Variants in KCNH1 observed in about 807,000 individuals in gnomAD.
The protein encoded by KCNH1 is voltage-gated delayed rectifier potassium channel KCNH1.
KCNH1 carries 27 observed loss-of-function variants against 69.2 expected under a neutral mutation model. The ratio of observed to expected loss-of-function variants is 0.39; its 90% CI spans 0.29 to 0.54. The LOEUF (loss-of-function observed/expected upper bound fraction) is 0.54, where lower values mean the gene tolerates loss of function less well. Ranked by LOEUF, KCNH1 falls within the 20% of genes least tolerant of loss-of-function variation. The probability of loss-of-function intolerance (pLI) is 0.68; values close to 1 mark genes in which losing one functional copy is unlikely to be tolerated. For synonymous variants in KCNH1, 456 were observed against 487.7 expected, an observed-to-expected ratio of 0.93 and a Z score of 0.86; for missense variants, 798 against 1,261.6, an observed-to-expected ratio of 0.63 and a Z score of 5.57.
intron 10 of KCNH1, among the ~76,000 whole-genome samples, chr1:210,698,720 T>G (rs1681702903): frequency 6.6e-6 from 1 of 152,192 alleles, no homozygotes; most frequent in African/African-American, 2.4e-5. Context: ...TCCATGACCT[T>G]GCACAACAAC....
intron 6 of KCNH1, among the ~76,000 whole-genome samples, chr1:210,979,226 G>A (rs1304601326): frequency 6.6e-6 from 1 of 152,112 alleles, no homozygotes; most frequent in East Asian, 1.9e-4. Context: ...GTAGGAGGAG[G>A]GAAAATGAGA....
At chr1:210,706,972 C>T (rs1196940262) in intron 10 of KCNH1, among the ~76,000 whole-genome samples, 1 of 152,144 alleles carries the variant, frequency 6.6e-6, no homozygotes, top group Non-Finnish European at 1.5e-5. Context: ...AGGCTGGGTG[C>T]AGAAGAGAAG....
intron 6 of KCNH1, among the ~76,000 whole-genome samples, chr1:210,922,153 G>A (rs185826488): frequency 0.011 from 1,610 of 151,728 alleles, 13 homozygotes; most frequent in Non-Finnish European, 0.013. Context: ...AGGCCGAGGC[G>A]GGCAGATCAC....
At chr1:210,891,305 C>T (rs959607332) in intron 7 of KCNH1, among the ~76,000 whole-genome samples, 3 of 152,100 alleles carry the variant, frequency 2.0e-5, no homozygotes, top group African/African-American at 4.8e-5. Flanking sequence ...AAACCAAATA[C>T]CACATGTTCT....
At chr1:210,866,341 C>T (rs1369358966) in intron 7 of KCNH1, among the ~76,000 whole-genome samples, 1 of 151,956 alleles carries the variant, frequency 6.6e-6, no homozygotes, top group Non-Finnish European at 1.5e-5. Flanking sequence ...CCCACAGACT[C>T]GCAGAAAATA....
At chr1:210,814,393 G>A (rs1205647185) in intron 7 of KCNH1, among the ~76,000 whole-genome samples, 1 of 151,916 alleles carries the variant, frequency 6.6e-6, no homozygotes, top group African/African-American at 2.4e-5. Context: ...ATTAACAGCA[G>A]GATAATTAAA....
At chr1:210,749,213 T>C (rs1010615797) in intron 10 of KCNH1, among the ~76,000 whole-genome samples, 3 of 152,060 alleles carry the variant, frequency 2.0e-5, no homozygotes, top group Non-Finnish European at 2.9e-5. Context: ...CTTGGCTGGA[T>C]GGGAAAGCTA....
chr1:210,753,132 T>C (rs1683316264), intron 10 of KCNH1, among the ~76,000 whole-genome samples: 1 of 152,302 alleles, frequency 6.6e-6, no homozygotes, highest in African/African-American at 2.4e-5. Context: ...TGTGAGAGAA[T>C]AAATTTATGT....
At chr1:210,884,772 C>G (rs1348974188) in intron 7 of KCNH1, among the ~76,000 whole-genome samples, 3 of 152,224 alleles carry the variant, frequency 2.0e-5, no homozygotes, top group Non-Finnish European at 4.4e-5. Flanking sequence ...TTGCCCTGCT[C>G]TCTGCCAGAC....
intron 5 of KCNH1, among the ~76,000 whole-genome samples, chr1:211,054,814 T>C (rs1245941901): frequency 6.8e-6 from 1 of 147,254 alleles, no homozygotes. Context: ...TAACATTGAG[T>C]GGAAATTAAG....
Position 210,908,691 on chromosome 1 carries a change from G to A in KCNH1, c.1462+10949C>T, listed in dbSNP as rs542433675. Among the ~76,000 whole-genome samples the A allele has an allele frequency of 5.9e-5, 9 of 152,168 alleles. No homozygotes were observed. The South Asian group carries it at 1.9e-3, about 32-fold the overall frequency. ...CATTCTAACTTCCTCACACCAAACC[G>A]AGTGATCTTTAAGAAGGGGGCCCAG... On this transcript the variant is annotated intron_variant, in intron 7 of 10. Transcript: ENST00000271751.
At chr1:210,872,563 A>T (rs1686276690) in intron 7 of KCNH1, among the ~76,000 whole-genome samples, 1 of 152,168 alleles carries the variant, frequency 6.6e-6, no homozygotes, top group Non-Finnish European at 1.5e-5. Flanking sequence ...CACGATGCTG[A>T]CATCTGCTCA....
At chr1:210,862,286 C>T in intron 7 of KCNH1, 1 of 913,982 alleles carries the variant, frequency 1.1e-6, no homozygotes, top group South Asian at 1.3e-5. Context: ...GGGTCCATTG[C>T]AGCATGAACT....
At chr1:210,758,609 C>T (rs564106334) in intron 10 of KCNH1, among the ~76,000 whole-genome samples, 43 of 152,284 alleles carry the variant, frequency 2.8e-4, no homozygotes, top group African/African-American at 1.0e-3. Flanking sequence ...TCAAAGTCCC[C>T]ACTGAGTCAA....
At chr1:210,805,727 A>C (rs762491615) in intron 7 of KCNH1, among the ~76,000 whole-genome samples, 5 of 152,160 alleles carry the variant, frequency 3.3e-5, no homozygotes, top group African/African-American at 1.2e-4. Flanking sequence ...AATAAACCCC[A>C]TACCCATTAA....
intron 7 of KCNH1, among the ~76,000 whole-genome samples, chr1:210,832,175 T>C (rs776798243): frequency 3.9e-5 from 6 of 152,148 alleles, no homozygotes; most frequent in Non-Finnish European, 8.8e-5. Flanking sequence ...CCTCTCTGAA[T>C]ATGTCCCAAT....
At chr1:210,965,448 T>C (rs1688381043) in intron 6 of KCNH1, among the ~76,000 whole-genome samples, 3 of 151,478 alleles carry the variant, frequency 2.0e-5, no homozygotes. Flanking sequence ...GCATTCTTTC[T>C]TCACAGAATT....
chr1:210,816,416 A>G (rs982819111), intron 7 of KCNH1, among the ~76,000 whole-genome samples: 2 of 152,188 alleles, frequency 1.3e-5, no homozygotes, highest in Non-Finnish European at 2.9e-5. Flanking sequence ...CCTCATTTCA[A>G]CCAGTGTTTT....
intron 5 of KCNH1, among the ~76,000 whole-genome samples, chr1:211,064,083 T>C (rs1044164451): frequency 6.6e-6 from 1 of 152,178 alleles, no homozygotes; most frequent in Non-Finnish European, 1.5e-5. Context: ...TACAAGGAAG[T>C]TCACTGAAGC....
Sources: gnomAD v4.1 joint callset for allele counts (sites outside exome capture counted in the v4.1 genomes callset) on GRCh38, gnomAD v4.1.1 for gene constraint, MANE v1.5 for transcripts, NCBI Gene and HGNC (gene_info 2026-07-23, HGNC 2026-07-21) for gene names.